ZNF536: variants seen among roughly 807,000 people sequenced by gnomAD.
ZNF536 encodes zinc finger protein 536.
ZNF536 carries 13 observed loss-of-function variants against 84.5 expected under a neutral mutation model. The ratio of observed to expected loss-of-function variants is 0.15; its 90% CI spans 0.10 to 0.24. The LOEUF (loss-of-function observed/expected upper bound fraction) is 0.24, where lower values mean the gene tolerates loss of function less well. Ranked by LOEUF, ZNF536 falls within the 10% of genes least tolerant of loss-of-function variation. ZNF536 has a pLI of 1.00. For synonymous variants in ZNF536, 811 were observed against 742.5 expected (o/e 1.09, Z -1.50); for missense variants, 1,536 against 1,747.5 (o/e 0.88, Z 2.16).
At chr19:30,292,403 A>C (rs1275355741) in intron 2 of ZNF536, among the ~76,000 whole-genome samples, 3 of 149,162 alleles carry the variant, frequency 2.0e-5, no homozygotes, top group Non-Finnish European at 4.4e-5. Flanking sequence ...TGGTGTGATC[A>C]CTGCAGCCTT....
At chr19:30,523,090 C>T (rs569835356) in intron 2 of ZNF536, among the ~76,000 whole-genome samples, 4 of 152,226 alleles carry the variant, frequency 2.6e-5, no homozygotes, top group African/African-American at 9.6e-5. Flanking sequence ...CATGTCCCCT[C>T]ATGCTGGCAC....
intron 1 of ZNF536, among the ~76,000 whole-genome samples, chr19:30,273,857 T>G (rs2025985229): frequency 6.6e-6 from 1 of 152,256 alleles, no homozygotes; most frequent in South Asian, 2.1e-4. Flanking sequence ...TTAACTATGT[T>G]CATGAATACA....
chr19:30,351,556 A>C (rs955785166), intron 2 of ZNF536, among the ~76,000 whole-genome samples: 3 of 152,238 alleles, frequency 2.0e-5, no homozygotes, highest in Non-Finnish European at 2.9e-5. Flanking sequence ...AGTATATTAC[A>C]AGCAATTTAT....
chr19:30,365,576 C>A (rs1440681483), intron 3 of ZNF536, among the ~76,000 whole-genome samples: 1 of 152,200 alleles, frequency 6.6e-6, no homozygotes, highest in East Asian at 1.9e-4. Context: ...ACGAAGCCCA[C>A]GTCTGCTTCA....
chr19:30,486,409 T>A (rs1298925674), intron 2 of ZNF536, among the ~76,000 whole-genome samples: 1 of 152,218 alleles, frequency 6.6e-6, no homozygotes, highest in African/African-American at 2.4e-5. Flanking sequence ...GCTCCATCCA[T>A]GTCCATGCAA....
chr19:30,301,253 A>T (rs2046172640), intron 2 of ZNF536, among the ~76,000 whole-genome samples: 1 of 152,100 alleles, frequency 6.6e-6, no homozygotes, highest in Non-Finnish European at 1.5e-5. Context: ...TTCTCATATT[A>T]AACAGAAATA....
chr19:30,228,708 G>A lies in ZNF536; in HGVS notation c.-190+35G>A, dbSNP rs2022770696. The A allele has an allele frequency of 6.6e-6, 1 of 151,352 alleles. No individual in the cohort carries two copies. Among genetic ancestry groups the A allele is most frequent in the Admixed American group, 6.6e-5 (1 of 15,196 alleles). 9.4% of individuals were successfully genotyped at this position (151,352 alleles called of 1,614,324 possible). On this transcript the variant is annotated intron_variant, in intron 1 of 5. Coordinates refer to the ZNF536 transcript ENST00000585628. This position sits in a 1 kb window ranked among gnomAD's most constrained non-coding sequence, Gnocchi z 4.5. ...CTGCGGTGGCCTCGGCGCGCCCCGG[G>A]GTGAGCGCGCAAAGCCGGGAGCGAG... is the stretch of plus-strand genomic sequence containing the variant.
rs192463927 is a variant in ZNF536, at chr19:30,508,528, G to A, written c.2171-26319G>A. Among the ~76,000 whole-genome samples the A allele has an allele frequency of 1.4e-4, 21 of 152,228 alleles. 1 individual carries two copies. The South Asian group carries it at 1.7e-3, about 12-fold the overall frequency. ...TGAGGCAGGTTTGATTTAATGATCC[G>A]GGCCATGAGACTGTGAGTCTTTGCG... On this transcript the variant is annotated intron_variant, in intron 2 of 4. Transcript: ENST00000355537.
intron 1 of ZNF536, among the ~76,000 whole-genome samples, chr19:30,259,176 A>C (rs183540822): frequency 6.6e-5 from 10 of 152,328 alleles, no homozygotes; most frequent in African/African-American, 2.4e-4. Flanking sequence ...GATTTTGCAC[A>C]GAATGGGAAC....
chr19:30,269,378 A>T (rs2025696056), intron 1 of ZNF536, among the ~76,000 whole-genome samples: 1 of 152,060 alleles, frequency 6.6e-6, no homozygotes, highest in South Asian at 2.1e-4. Flanking sequence ...GGGATAATTT[A>T]ATGGTGTGGG....
At chr19:30,646,493 G>A (rs940795059) in intron 1 of ZNF536, among the ~76,000 whole-genome samples, 2 of 152,366 alleles carry the variant, frequency 1.3e-5, no homozygotes, top group African/African-American at 4.8e-5. Context: ...ATGTGTGCAT[G>A]TGCGGGTGTG....
At chr19:30,263,128 G>C (rs1479317661) in intron 1 of ZNF536, among the ~76,000 whole-genome samples, 1 of 152,140 alleles carries the variant, frequency 6.6e-6, no homozygotes, top group African/African-American at 2.4e-5. Flanking sequence ...CTTGGTGGGA[G>C]CAGCATGGTG....
chr19:30,627,882 T>C (rs2048744659), intron 1 of ZNF536, among the ~76,000 whole-genome samples: 1 of 152,142 alleles, frequency 6.6e-6, no homozygotes, highest in South Asian at 2.1e-4. Context: ...CAGCTTGCAG[T>C]AATGGCTCAG....
intron 1 of ZNF536, among the ~76,000 whole-genome samples, chr19:30,380,868 G>A (rs989458330): frequency 6.6e-6 from 1 of 151,948 alleles, no homozygotes; most frequent in Non-Finnish European, 1.5e-5. Context: ...TTTATATATT[G>A]TTACATATTT....
chr19:30,699,950 A>G (rs1175150416), intron 1 of ZNF536, among the ~76,000 whole-genome samples: 1 of 151,872 alleles, frequency 6.6e-6, no homozygotes, highest in East Asian at 1.9e-4. Context: ...GGGGAGCTGA[A>G]TTTCTTTTTC....
chr19:30,561,652 G>A (rs1445454718), downstream of ZNF536, among the ~76,000 whole-genome samples: 6 of 152,178 alleles, frequency 3.9e-5, no homozygotes, highest in Non-Finnish European at 8.8e-5. Flanking sequence ...CCCTTTGGGG[G>A]TCCTCTAAGG....
chr19:30,701,833 A>G (rs2051996854), intron 1 of ZNF536, among the ~76,000 whole-genome samples: 2 of 152,190 alleles, frequency 1.3e-5, no homozygotes, highest in African/African-American at 4.8e-5. Context: ...AGGTGGGAAG[A>G]CATCCCTCTG....
At chr19:30,630,218 C>T (rs751271029) in intron 1 of ZNF536, among the ~76,000 whole-genome samples, 6 of 152,162 alleles carry the variant, frequency 3.9e-5, no homozygotes, top group Non-Finnish European at 5.9e-5. Context: ...TTCTCTCATT[C>T]GTTCATTTAT....
chr19:30,530,349 G>GTTT (rs946408527), intron 2 of ZNF536, among the ~76,000 whole-genome samples: 1 of 152,038 alleles, frequency 6.6e-6, no homozygotes, highest in African/African-American at 2.4e-5. Flanking sequence ...TGTTGTTGTT[G>GTTT]TTGTTGTTGT....
Sources: gnomAD v4.1 joint callset for allele counts (sites outside exome capture counted in the v4.1 genomes callset) on GRCh38, gnomAD v4.1.1 for gene constraint, Gnocchi (gnomAD v3.1) non-coding constraint, MANE v1.5 for transcripts, NCBI Gene and HGNC (gene_info 2026-07-23, HGNC 2026-07-21) for gene names.